MED27: variants seen among roughly 807,000 people sequenced by gnomAD.
The protein encoded by MED27 is mediator complex subunit 27.
In MED27, 30 loss-of-function variants were observed where a neutral mutation model predicts 38.2. The observed-to-expected ratio is 0.79, with a 90% CI of 0.59 to 1.07. The LOEUF (loss-of-function observed/expected upper bound fraction) is 1.07, where lower values mean the gene tolerates loss of function less well. Ranked by LOEUF, MED27 falls within the 50% of genes least tolerant of loss-of-function variation. The pLI is 0.00. For synonymous variants in MED27, 122 were observed against 153.5 expected (o/e 0.79, Z 1.52); for missense variants, 289 against 397.5 (o/e 0.73, Z 2.32).
chr9:131,975,097 A>G (rs1376092250), intron 3 of MED27, among the ~76,000 whole-genome samples: 1 of 152,226 alleles, frequency 6.6e-6, no homozygotes, highest in African/African-American at 2.4e-5. Context: ...CTTTGTAGTC[A>G]TTTGTAAAAC....
chr9:131,903,044 C>T lies in MED27; in HGVS notation c.574-9052G>A, dbSNP rs57235359. 2.4e-3 allele frequency among the ~76,000 whole-genome samples: 372 copies of T among 152,090 alleles called. 4 individuals carry two copies. The highest frequency in any genetic ancestry group is 8.7e-3 in the African/African-American group (358 of 41,380). On this transcript the variant is annotated intron_variant, in intron 4 of 7. Coordinates refer to ENST00000292035, the MANE Select transcript of MED27 (RefSeq NM_004269.4). ...CATGCATGTGAAGTGCTCAGCACCA[C>T]ATCTGAACCATGAGAGTGCTGGGTC...
intron 2 of MED27, among the ~76,000 whole-genome samples, chr9:132,070,255 G>A (rs1833906333): frequency 6.6e-6 from 1 of 152,184 alleles, no homozygotes; most frequent in Non-Finnish European, 1.5e-5. Context: ...TTCAGATATT[G>A]TCCTAAAGAA....
intron 5 of MED27, among the ~76,000 whole-genome samples, chr9:131,893,308 C>CT (rs1440586790): frequency 6.6e-6 from 1 of 152,122 alleles, no homozygotes; most frequent in East Asian, 1.9e-4. Flanking sequence ...CTCTGATGCT[C>CT]TCTGTGGAGC....
At chr9:132,022,492 A>G (rs1042773629) in intron 2 of MED27, among the ~76,000 whole-genome samples, 2 of 152,222 alleles carry the variant, frequency 1.3e-5, no homozygotes, top group Non-Finnish European at 2.9e-5. Flanking sequence ...AGGTCCTAAC[A>G]CTGAAATCCT....
chr9:132,062,463 T>G (rs968055930), intron 2 of MED27, among the ~76,000 whole-genome samples: 1 of 152,114 alleles, frequency 6.6e-6, no homozygotes, highest in African/African-American at 2.4e-5. Flanking sequence ...TGGCAACAGC[T>G]CAGGCAGTAG....
chr9:132,062,763 T>C (rs1833726181), intron 2 of MED27, among the ~76,000 whole-genome samples: 1 of 152,016 alleles, frequency 6.6e-6, no homozygotes, highest in African/African-American at 2.4e-5. Context: ...GACTTAGGAT[T>C]ATCACATACC....
At chr9:131,930,109 T>TA (rs903951018) in intron 4 of MED27, among the ~76,000 whole-genome samples, 13 of 152,072 alleles carry the variant, frequency 8.5e-5, no homozygotes, top group Admixed American at 6.6e-4. Flanking sequence ...AATCCAGACC[T>TA]AAAAAATAGC....
chr9:131,960,217 G>A (rs995702933), intron 3 of MED27, among the ~76,000 whole-genome samples: 10 of 152,134 alleles, frequency 6.6e-5, no homozygotes, highest in African/African-American at 1.9e-4. Flanking sequence ...TAAGCATGCA[G>A]GTCTTCGAAT....
chr9:131,898,101 ATT>A (rs1039409485), intron 4 of MED27, among the ~76,000 whole-genome samples: 9 of 131,876 alleles, frequency 6.8e-5, no homozygotes, highest in Admixed American at 1.5e-4. Context: ...TGCAGGTTTG[ATT>A]TTTTTTTTTT....
chr9:131,928,743 G>A (rs753240546), intron 4 of MED27, among the ~76,000 whole-genome samples: 4 of 152,238 alleles, frequency 2.6e-5, no homozygotes, highest in African/African-American at 4.8e-5. Context: ...CCTTGCCAGC[G>A]TGTGCTAAAG....
At chr9:132,064,772 A>G (rs1275538424) in intron 2 of MED27, among the ~76,000 whole-genome samples, 2 of 152,218 alleles carry the variant, frequency 1.3e-5, no homozygotes, top group Non-Finnish European at 2.9e-5. Context: ...TCATGTTCAG[A>G]CACTGCTTTG....
At chr9:131,903,902 T>C (rs1243298483) in intron 4 of MED27, among the ~76,000 whole-genome samples, 1 of 150,838 alleles carries the variant, frequency 6.6e-6, no homozygotes, top group Non-Finnish European at 1.5e-5. Context: ...TTTTTTTTTT[T>C]TTTTTCTTTT....
intron 4 of MED27, among the ~76,000 whole-genome samples, chr9:131,922,713 G>A (rs1245908413): frequency 6.6e-6 from 1 of 151,744 alleles, no homozygotes; most frequent in Non-Finnish European, 1.5e-5. Flanking sequence ...ATGTATACAT[G>A]TGCCATGTTG....
At chr9:132,072,820 G>C (rs570426886) in intron 2 of MED27, among the ~76,000 whole-genome samples, 2 of 152,178 alleles carry the variant, frequency 1.3e-5, no homozygotes, top group Non-Finnish European at 2.9e-5. Flanking sequence ...TGTATTCCCT[G>C]AACATGTAGC....
At chr9:132,057,860 G>A (rs569242929) in intron 2 of MED27, among the ~76,000 whole-genome samples, 32 of 152,282 alleles carry the variant, frequency 2.1e-4, no homozygotes, top group African/African-American at 6.7e-4. Flanking sequence ...AGTGGAGCCC[G>A]GTGAAATGGC....
At chr9:131,909,052 A>T (rs369888002) in intron 4 of MED27, among the ~76,000 whole-genome samples, 2 of 152,132 alleles carry the variant, frequency 1.3e-5, no homozygotes, top group Non-Finnish European at 2.9e-5. Flanking sequence ...TGAGAAGCCA[A>T]TCAATTTAGG....
At chr9:132,006,756 C>T (rs1003556819) in intron 3 of MED27, among the ~76,000 whole-genome samples, 2 of 152,116 alleles carry the variant, frequency 1.3e-5, no homozygotes, top group Non-Finnish European at 2.9e-5. Flanking sequence ...TGAGCTTCAT[C>T]CTGGCAAGTG....
intron 1 of MED27, 36 bp from the exon 2 acceptor site, chr9:132,077,622 C>T (rs1191692827): frequency 6.2e-7 from 1 of 1,611,506 alleles, no homozygotes; most frequent in Non-Finnish European, 8.5e-7. Context: ...TAAACCTAAG[C>T]CCATTTACAC....
At chr9:132,052,327 T>C (rs1833480963) in intron 2 of MED27, among the ~76,000 whole-genome samples, 1 of 152,234 alleles carries the variant, frequency 6.6e-6, no homozygotes, top group Non-Finnish European at 1.5e-5. Context: ...GGTTGAATAA[T>C]GAAGGTTAAA....
Sources: gnomAD v4.1 joint callset for allele counts (sites outside exome capture counted in the v4.1 genomes callset) on GRCh38, gnomAD v4.1.1 for gene constraint, MANE v1.5 for transcripts, NCBI Gene and HGNC (gene_info 2026-07-23, HGNC 2026-07-21) for gene names.